Variants in KIZ observed in about 807,000 individuals in gnomAD.
KIZ encodes the protein kizuna centrosomal protein, also known as centrosomal protein kizuna.
Under a neutral mutation model 79.6 loss-of-function variants are expected in KIZ, and 68 were observed. The observed-to-expected ratio is 0.85, with a 90% CI of 0.70 to 1.05. KIZ has a LOEUF of 1.05. Among genes scored for constraint, KIZ ranks in the 50% least tolerant of loss-of-function variants. The pLI is 0.00. For missense variants in KIZ, 797 were observed against 800.4 expected (o/e 1.00, Z 0.05); for synonymous variants, 280 against 281.8 (o/e 0.99, Z 0.06).
At chr20:21,164,948 G>A (rs1369999961) in intron 6 of KIZ, among the ~76,000 whole-genome samples, 2 of 152,152 alleles carry the variant, frequency 1.3e-5, no homozygotes, top group African/African-American at 2.4e-5. Context: ...TAGGTTGAAG[G>A]TGGTTTTAAA....
At chr20:21,230,680 C>T (rs1483230594) in intron 10 of KIZ, among the ~76,000 whole-genome samples, 2 of 152,124 alleles carry the variant, frequency 1.3e-5, no homozygotes, top group African/African-American at 2.4e-5. Context: ...TGAAAAGCCC[C>T]CTGGGAGAGC....
chr20:21,221,019 G>C lies in KIZ; in HGVS notation c.1678+5371G>C, dbSNP rs74819684. ...CTTTTATAAAGTGGGGCAAACCTGA[G>C]CCCAGCTGGGCTGCTGGGAGGTCGG... On this transcript the variant is annotated intron_variant, in intron 9 of 12. Transcript: ENST00000619189. Among the ~76,000 whole-genome samples, 1,137 of 152,242 alleles carry C rather than the reference G, an allele frequency of 7.5e-3. 14 individuals are homozygous for C. The highest frequency in any genetic ancestry group is 0.026 in the African/African-American group (1,069 of 41,548).
At chr20:21,207,905 G>T (rs1284354887) in intron 7 of KIZ, among the ~76,000 whole-genome samples, 1 of 152,012 alleles carries the variant, frequency 6.6e-6, no homozygotes, top group Non-Finnish European at 1.5e-5. Context: ...TAGAGACAGG[G>T]TTTCACCGTG....
intron 11 of KIZ, among the ~76,000 whole-genome samples, chr20:21,237,830 CATTT>C (rs1010405424): frequency 2.6e-5 from 4 of 152,024 alleles, no homozygotes; most frequent in East Asian, 3.9e-4. Flanking sequence ...GGCTTCGTTT[CATTT>C]ATTTATTTAT....
intron 3 of KIZ, among the ~76,000 whole-genome samples, chr20:21,140,806 C>A (rs1055050594): frequency 3.1e-4 from 47 of 151,398 alleles, no homozygotes; most frequent in Non-Finnish European, 5.9e-4. Flanking sequence ...TAGTGAGACC[C>A]CATCTGTACA....
chr20:21,163,304 C>G (rs1043616008), intron 6 of KIZ, 145 bp downstream of exon 6: 4 of 574,474 alleles, frequency 7.0e-6, no homozygotes, highest in Non-Finnish European at 1.2e-5. Context: ...GTAGGCAAGA[C>G]CTAATTTTCT....
rs139307100 is a variant in KIZ at position 21,220,011 on chromosome 20, G to A, written c.1678+4363G>A. ...ATCTACCCCTTTTATTAGTCTAGTTGTTGTTCACTAAAGAATCCAGGTGGA... is the reference window on the plus strand; with the variant it reads ...ATCTACCCCTTTTATTAGTCTAGTTATTGTTCACTAAAGAATCCAGGTGGA... On this transcript the variant is annotated intron_variant, in intron 9 of 12. Coordinates refer to ENST00000619189, the MANE Select transcript of KIZ (RefSeq NM_018474.6). 1.6e-3 allele frequency among the ~76,000 whole-genome samples: 248 copies of A among 151,920 alleles called. 1 individual carries two copies. The highest frequency in any genetic ancestry group is 5.9e-3 in the African/African-American group (245 of 41,438).
chr20:21,197,525 G>A (rs1207370161), intron 6 of KIZ: 1 of 152,168 alleles, frequency 6.6e-6, no homozygotes, highest in Non-Finnish European at 1.5e-5. Context: ...CTGCTGTTAA[G>A]ATTATCTAGC....
chr20:21,161,560 G>A (rs559727044), intron 4 of KIZ, among the ~76,000 whole-genome samples: 14 of 152,162 alleles, frequency 9.2e-5, no homozygotes, highest in Non-Finnish European at 2.1e-4. Context: ...TCGAACTCCT[G>A]ACCTCAGATG....
intron 9 of KIZ, among the ~76,000 whole-genome samples, chr20:21,220,982 C>T (rs1005187211): frequency 2.6e-5 from 4 of 152,100 alleles, no homozygotes; most frequent in African/African-American, 7.2e-5. Context: ...CAGCTCATCC[C>T]GAGAGGCAGG....
rs768471324 is a variant in KIZ at position 21,205,567 on chromosome 20, A to T, written c.1429A>T (p.Asn477Tyr). Residue 477 changes from asparagine to tyrosine, a missense_variant, in exon 7 of 13, where the codon AAT becomes TAT. Transcript: ENST00000619189. ...QHVATLKEHD[N>Y]SVKEEATALL... ...TGTTGCCACCTTGAAAGAACATGAT[A>T]ATTCTGTCAAAGAAGAGGTAGGTAG... 9.9e-6 allele frequency: 15 copies of T among 1,521,218 alleles called. No homozygotes were observed. The highest frequency in any genetic ancestry group is 1.4e-5 in the African/African-American group (1 of 72,816). The allele number at this position is 1,521,218 out of a possible 1,614,324, so 94.2% of individuals were successfully genotyped here.
intron 10 of KIZ, among the ~76,000 whole-genome samples, chr20:21,232,385 C>T (rs2036863999): frequency 6.6e-6 from 1 of 152,188 alleles, no homozygotes; most frequent in Non-Finnish European, 1.5e-5. Flanking sequence ...CCCTGGTTTG[C>T]TGCCCGTGTG....
intron 6 of KIZ, among the ~76,000 whole-genome samples, chr20:21,192,955 A>G (rs2035179119): frequency 6.6e-6 from 1 of 152,188 alleles, no homozygotes; most frequent in African/African-American, 2.4e-5. Flanking sequence ...ATAAAAATTC[A>G]GAGAAGGGAC....
intron 12 of KIZ, chr20:21,245,682 A>C (rs1051834479): frequency 6.6e-6 from 1 of 152,296 alleles, no homozygotes; most frequent in African/African-American, 2.4e-5. Flanking sequence ...TCCTGCACCA[A>C]GCAGCTGTGT....
At chr20:21,193,321 A>G (rs1203261260) in intron 6 of KIZ, among the ~76,000 whole-genome samples, 1 of 152,226 alleles carries the variant, frequency 6.6e-6, no homozygotes, top group Non-Finnish European at 1.5e-5. Context: ...TGTAAAAGTT[A>G]TCTGATAGGG....
chr20:21,185,199 A>T (rs1295867167), intron 6 of KIZ, among the ~76,000 whole-genome samples: 1 of 152,208 alleles, frequency 6.6e-6, no homozygotes, highest in Non-Finnish European at 1.5e-5. Context: ...TGTGAGGAAT[A>T]GTTCTGAGTC....
chr20:21,243,052 T>C (rs1669289596), intron 11 of KIZ, among the ~76,000 whole-genome samples: 1 of 152,136 alleles, frequency 6.6e-6, no homozygotes, highest in Non-Finnish European at 1.5e-5. Flanking sequence ...TTAGTGTGTG[T>C]GTGATGTGTG....
intron 11 of KIZ, among the ~76,000 whole-genome samples, chr20:21,242,773 C>A (rs1819721024): frequency 6.6e-6 from 1 of 152,146 alleles, no homozygotes; most frequent in Non-Finnish European, 1.5e-5. Context: ...CCAGTCCTGT[C>A]CTGTGAAGGC....
chr20:21,192,279 A>ATTTT (rs1260846529), intron 6 of KIZ, among the ~76,000 whole-genome samples: 15 of 91,086 alleles, frequency 1.6e-4, no homozygotes, highest in East Asian at 3.4e-4. Flanking sequence ...TCATTTCTGG[A>ATTTT]TTTTTTTTTT....
Sources: allele counts gnomAD v4.1 joint callset (sites outside exome capture counted in the v4.1 genomes callset), GRCh38; gene constraint gnomAD v4.1.1; transcripts MANE v1.5; gene names NCBI Gene and HGNC (gene_info 2026-07-23, HGNC 2026-07-21).